The following FRK variants were observed in gnomAD, a reference collection of about 807,000 sequenced individuals.
The protein encoded by FRK is fyn related Src family tyrosine kinase, also known as tyrosine-protein kinase FRK.
A neutral mutation model predicts 56.4 loss-of-function variants in FRK; 51 were observed. That is an observed-to-expected ratio of 0.90 (90% CI 0.72 to 1.14). The LOEUF (loss-of-function observed/expected upper bound fraction) is 1.14. Ranked by LOEUF, FRK falls within the 50% of genes most tolerant of loss-of-function variation. The pLI is 0.00. For synonymous variants in FRK, 245 were observed against 217.9 expected (o/e 1.12, Z -1.10); for missense variants, 570 against 601.4 (o/e 0.95, Z 0.55).
intron 1 of FRK, among the ~76,000 whole-genome samples, chr6:116,043,060 AAT>A (rs1412894140): frequency 6.6e-6 from 1 of 152,254 alleles, no homozygotes; most frequent in African/African-American, 2.4e-5. Context: ...GTATGCACCC[AAT>A]ATAAGAGCAC....
intron 1 of FRK, among the ~76,000 whole-genome samples, chr6:116,058,905 C>T (rs1254131734): frequency 2.6e-5 from 3 of 116,676 alleles, no homozygotes; most frequent in Admixed American, 9.9e-5. Flanking sequence ...AGCGAGACTC[C>T]GTCTCAAAAA....
intron 1 of FRK, among the ~76,000 whole-genome samples, chr6:116,052,711 T>A (rs1262172284): frequency 6.6e-6 from 1 of 151,744 alleles, no homozygotes; most frequent in Non-Finnish European, 1.5e-5. Context: ...AAGGAGAGGG[T>A]TATAGGCAGA....
chr6:116,039,263 G>A, intron 1 of FRK: 1 of 1,491,026 alleles, frequency 6.7e-7, no homozygotes, highest in Non-Finnish European at 9.3e-7. Context: ...TGGGCCATTG[G>A]TACCAGCAAG....
the FRK span, among the ~76,000 whole-genome samples, chr6:116,094,289 G>A: frequency 1.4e-4 from 22 of 152,284 alleles, no homozygotes; most frequent in East Asian, 2.3e-3. Context: ...CGGGGCAAGC[G>A]CCAGCTCATG....
At position 115,944,258 on chromosome 6, in the gene FRK, C is replaced by A; in HGVS notation, c.1126G>T (p.Ala376Ser). The A allele has an allele frequency of 1.2e-6, 2 of 1,604,852 alleles. No individual in the cohort carries two copies. The highest frequency in any genetic ancestry group is 4.5e-5 in the East Asian group (2 of 44,828). The change falls in exon 6 of 8, where the codon GCC (alanine) becomes TCC (serine). Residue 376 changes from alanine (A) to serine (S), a missense_variant. Transcript: ENST00000606080. ...NIYKVADFGL[A>S]RVFKVDNEDI... is the part of the protein sequence containing the mutation. ...ACTAAATCCACCTTAAAAACTCTGG[C>A]AAGTCCAAAATCTGCTACTTTGTAG...
rs118041446 is a variant in FRK, at chr6:115,951,020, G to C, written c.958+5432C>G. On this transcript the variant is annotated intron_variant, in intron 5 of 7. Transcript: ENST00000606080. ...AACATCACACACCAGGGCCTGTCAG[G>C]GGGTGTTGAGCAAAGGGAGGGACAG... 8.8e-3 allele frequency among the ~76,000 whole-genome samples: 1,335 copies of C among 152,202 alleles called. 7 individuals are homozygous for C. Among genetic ancestry groups the C allele is most frequent in the Non-Finnish European group, 0.012 (791 of 68,006 alleles).
At chr6:116,059,909 A>G in intron 1 of FRK, 59 bp downstream of exon 1, 4 of 1,416,108 alleles carry the variant, frequency 2.8e-6, no homozygotes, top group Non-Finnish European at 3.9e-6. Flanking sequence ...GTAGAAAGGA[A>G]AACTCATTAC....
chr6:116,040,843 A>G, intron 1 of FRK, among the ~76,000 whole-genome samples: 1 of 152,100 alleles, frequency 6.6e-6, no homozygotes, highest in African/African-American at 2.4e-5. Flanking sequence ...TTTAGAACCT[A>G]CCTGAAAGTT....
At chr6:115,994,338 C>CCCCCCTTTTT (rs1554230544) in intron 2 of FRK, among the ~76,000 whole-genome samples, 1 of 91,770 alleles carries the variant, frequency 1.1e-5, no homozygotes, top group Non-Finnish European at 2.4e-5. Context: ...CCCCCCCCGC[C>CCCCCCTTTTT]TTTTTTTTGT....
chr6:116,065,417 C>A (rs1171561941), upstream of FRK, among the ~76,000 whole-genome samples: 1 of 152,190 alleles, frequency 6.6e-6, no homozygotes, highest in Non-Finnish European at 1.5e-5. Context: ...CATAGTCTTC[C>A]TCCAAACTCT....
At chr6:116,020,202 A>C (rs2114732998) in intron 1 of FRK, among the ~76,000 whole-genome samples, 1 of 152,316 alleles carries the variant, frequency 6.6e-6, no homozygotes, top group South Asian at 2.1e-4. Flanking sequence ...ACTACCATAA[A>C]AAAATTTATA....
At chr6:115,989,045 TATGTCTAC>T (rs1774493424) in intron 2 of FRK, among the ~76,000 whole-genome samples, 2 of 152,006 alleles carry the variant, frequency 1.3e-5, no homozygotes, top group Admixed American at 1.3e-4. Context: ...TTGAGATCAT[TATGTCTAC>T]ATGATATCTC....
intron 1 of FRK, among the ~76,000 whole-genome samples, chr6:116,004,708 T>C (rs746838497): frequency 6.6e-6 from 1 of 152,174 alleles, no homozygotes; most frequent in East Asian, 1.9e-4. Flanking sequence ...AGTCAGATAC[T>C]GAACACACAA....
chr6:116,038,750 A>G, intron 1 of FRK: 1 of 483,390 alleles, frequency 2.1e-6, no homozygotes, highest in South Asian at 1.6e-5. Flanking sequence ...CCTCAGCTCC[A>G]GCGCCATGGC....
Position 116,024,883 on chromosome 6 carries a change from C to G in FRK, c.345-20885G>C, listed in dbSNP as rs533739755. Reference sequence around the variant, plus strand: ...TTGAACTAGTTTACAGTCCCACCAACAGTATAAAAGTGTTCCTATTTCTCC... The same window carrying G: ...TTGAACTAGTTTACAGTCCCACCAAGAGTATAAAAGTGTTCCTATTTCTCC... On this transcript the variant is annotated intron_variant, in intron 1 of 7. Coordinates refer to ENST00000606080, the MANE Select transcript of FRK (RefSeq NM_002031.3). Among the ~76,000 whole-genome samples the G allele has an allele frequency of 2.2e-4, 33 of 152,316 alleles. 1 individual carries two copies. Among genetic ancestry groups the G allele is most frequent in the Admixed American group, 1.8e-3 (28 of 15,298 alleles).
At chr6:116,012,936 C>T (rs1477049081) in intron 1 of FRK, among the ~76,000 whole-genome samples, 1 of 152,072 alleles carries the variant, frequency 6.6e-6, no homozygotes, top group African/African-American at 2.4e-5. Context: ...TTTTTCTGTC[C>T]TTTAAAACAC....
At chr6:115,950,697 C>T (rs1253813194) in intron 5 of FRK, among the ~76,000 whole-genome samples, 1 of 152,142 alleles carries the variant, frequency 6.6e-6, no homozygotes, top group East Asian at 1.9e-4. Flanking sequence ...ATAAATCATT[C>T]TACTATAAAG....
intron 1 of FRK, among the ~76,000 whole-genome samples, chr6:116,056,655 G>A (rs1270598437): frequency 6.6e-6 from 1 of 151,736 alleles, no homozygotes; most frequent in African/African-American, 2.4e-5. Flanking sequence ...ATTTTTATGT[G>A]AACTTTATAT....
At chr6:116,023,018 A>T (rs1775936574) in intron 1 of FRK, among the ~76,000 whole-genome samples, 1 of 152,200 alleles carries the variant, frequency 6.6e-6, no homozygotes, top group East Asian at 1.9e-4. Context: ...ACTTCACAAA[A>T]GGAAATATGA....
Sources: gnomAD v4.1 joint callset for allele counts (sites outside exome capture counted in the v4.1 genomes callset) on GRCh38, gnomAD v4.1.1 for gene constraint, MANE v1.5 for transcripts, NCBI Gene and HGNC (gene_info 2026-07-23, HGNC 2026-07-21) for gene names.